The following PLCZ1 variants were observed in gnomAD, a reference collection of about 807,000 sequenced individuals.
PLCZ1 encodes the protein 1-phosphatidylinositol 4,5-bisphosphate phosphodiesterase zeta-1.
Under a neutral mutation model 76.8 loss-of-function variants are expected in PLCZ1, and 64 were observed. That is an observed-to-expected ratio of 0.83 (90% CI 0.68 to 1.03). PLCZ1 has a LOEUF of 1.03. PLCZ1 is among the 50% of genes least tolerant of loss of function. PLCZ1 has a pLI of 0.00. For synonymous variants in PLCZ1, 248 were observed against 230.8 expected, an observed-to-expected ratio of 1.07 and a Z score of -0.68; for missense variants, 751 against 713.7, an observed-to-expected ratio of 1.05 and a Z score of -0.60.
In PLCZ1 at chr12:18,705,234, C is replaced by G; in HGVS notation, c.796G>C (p.Ala266Pro). Reference protein sequence around the residue: ...QQEVMADNLQATFGESLLSDM... With the variant: ...QQEVMADNLQPTFGESLLSDM... ...GAAAGCAAGGACTCTCCAAAAGTAG[C>G]CTGCAAATTGTCTGCCATTACTTCT... The change falls in exon 7 of 15, where the codon GCT (alanine) becomes CCT (proline). Residue 266 changes from alanine (A) to proline (P), a missense_variant. Coordinates refer to ENST00000266505, the MANE Select transcript of PLCZ1 (RefSeq NM_033123.4). 6.2e-7 allele frequency: 1 copy of G among 1,613,946 alleles called. No individual in the cohort carries two copies. The highest frequency in any genetic ancestry group is 1.3e-5 in the African/African-American group (1 of 74,994).
At chr12:18,683,080 A>G (rs1952580731), downstream of PLCZ1, 1 of 687,470 alleles carries the variant, frequency 1.5e-6, no homozygotes, top group Non-Finnish European at 2.5e-6. Context: ...CTTTTCTTCC[A>G]CTGATTTATT....
chr12:18,685,863 C>A (rs1953060166), intron 13 of PLCZ1, among the ~76,000 whole-genome samples: 1 of 145,944 alleles, frequency 6.9e-6, no homozygotes, highest in South Asian at 2.2e-4. Flanking sequence ...CACACACACA[C>A]ACACACATAC....
the PLCZ1 span, among the ~76,000 whole-genome samples, chr12:18,651,337 G>A: frequency 6.6e-6 from 1 of 152,086 alleles, no homozygotes; most frequent in Non-Finnish European, 1.5e-5. Context: ...GTGAGATGTT[G>A]CAAGCTGCCC....
At chr12:18,703,438 T>C (rs1166698394) in intron 7 of PLCZ1, among the ~76,000 whole-genome samples, 1 of 152,212 alleles carries the variant, frequency 6.6e-6, no homozygotes, top group Non-Finnish European at 1.5e-5. Context: ...CCTGGAAACT[T>C]AGTCATGTAA....
intron 2 of PLCZ1, 123 bp from the exon 3 acceptor site, chr12:18,736,467 T>C (rs1959263258): frequency 8.1e-7 from 1 of 1,231,590 alleles, no homozygotes; most frequent in Non-Finnish European, 1.1e-6. Flanking sequence ...AAGTAAATTA[T>C]AGTATAATTG....
intron 3 of PLCZ1, among the ~76,000 whole-genome samples, chr12:18,733,424 C>A (rs1959159938): frequency 6.6e-6 from 1 of 152,056 alleles, no homozygotes; most frequent in South Asian, 2.1e-4. Context: ...TTGATTGTTT[C>A]CTTTGCTGTG....
At chr12:18,697,187 T>C (rs1462515605) in intron 10 of PLCZ1, among the ~76,000 whole-genome samples, 3 of 152,118 alleles carry the variant, frequency 2.0e-5, no homozygotes, top group African/African-American at 7.2e-5. Flanking sequence ...TGGTTACTGC[T>C]TATGGCTCAC....
downstream of PLCZ1, among the ~76,000 whole-genome samples, chr12:18,680,944 G>A (rs889047343): frequency 6.6e-6 from 1 of 152,010 alleles, no homozygotes; most frequent in African/African-American, 2.4e-5. Flanking sequence ...GCGATACTTG[G>A]TAATAAATTA....
chr12:18,673,146 G>T, the PLCZ1 span, among the ~76,000 whole-genome samples: 20 of 152,140 alleles, frequency 1.3e-4, no homozygotes, highest in Non-Finnish European at 2.6e-4. Flanking sequence ...TTAAGGAACA[G>T]GGGAATTTAT....
At chr12:18,712,723 C>T in intron 6 of PLCZ1, 119 bp downstream of exon 6, 1 of 1,275,226 alleles carries the variant, frequency 7.8e-7, no homozygotes, top group Non-Finnish European at 1.1e-6. Flanking sequence ...ACTAATGGAT[C>T]ATAACCCACA....
At chr12:18,671,656 A>T in the PLCZ1 span, among the ~76,000 whole-genome samples, 7 of 152,204 alleles carry the variant, frequency 4.6e-5, no homozygotes, top group African/African-American at 7.2e-5. Context: ...TATAAAAAAA[A>T]ATTTCATTAT....
the PLCZ1 span, among the ~76,000 whole-genome samples, chr12:18,677,243 C>A: frequency 1.3e-5 from 2 of 152,026 alleles, no homozygotes. Flanking sequence ...ATCCAGAGAG[C>A]AAAATCTAAA....
chr12:18,729,796 T>C (rs1031738595), intron 3 of PLCZ1, among the ~76,000 whole-genome samples: 1 of 152,106 alleles, frequency 6.6e-6, no homozygotes, highest in African/African-American at 2.4e-5. Flanking sequence ...ATTAATCTTG[T>C]AGAAAGAAGT....
At chr12:18,737,278 C>T in intron 2 of PLCZ1, 83 bp downstream of exon 2, 2 of 1,469,008 alleles carry the variant, frequency 1.4e-6, no homozygotes, top group East Asian at 4.5e-5. Context: ...ATTCAGAACT[C>T]CTCGAAAAGA....
At chr12:18,691,757 A>T (rs1474513600) in intron 12 of PLCZ1, among the ~76,000 whole-genome samples, 2 of 152,182 alleles carry the variant, frequency 1.3e-5, no homozygotes, top group African/African-American at 4.8e-5. Flanking sequence ...AAGGAGTACC[A>T]ACAATCCAGT....
At chr12:18,703,034 G>C (rs1462115150) in intron 7 of PLCZ1, among the ~76,000 whole-genome samples, 3 of 152,134 alleles carry the variant, frequency 2.0e-5, no homozygotes, top group East Asian at 3.9e-4. Context: ...AAATTTGAAT[G>C]AAAGCTATGT....
the PLCZ1 span, chr12:18,648,469 A>G: frequency 5.4e-6 from 1 of 185,676 alleles, no homozygotes; most frequent in Non-Finnish European, 1.1e-5. Flanking sequence ...ATATACTTAT[A>G]CCTACTCATA....
At chr12:18,651,865 C>A in the PLCZ1 span, among the ~76,000 whole-genome samples, 1 of 151,968 alleles carries the variant, frequency 6.6e-6, no homozygotes, top group Admixed American at 6.6e-5. Flanking sequence ...GAGCCAGGGG[C>A]AGGAATAAAT....
intron 12 of PLCZ1, chr12:18,693,694 G>T: frequency 6.4e-7 from 1 of 1,566,896 alleles, no homozygotes; most frequent in East Asian, 2.2e-5. Flanking sequence ...GAGAAATTCA[G>T]CGAACAACGT....
Sources: gnomAD v4.1 joint callset for allele counts (sites outside exome capture counted in the v4.1 genomes callset) on GRCh38, gnomAD v4.1.1 for gene constraint, MANE v1.5 for transcripts, NCBI Gene and HGNC (gene_info 2026-07-23, HGNC 2026-07-21) for gene names.